The following ABCA10 variants were observed in gnomAD, a reference collection of about 807,000 sequenced individuals.
The protein encoded by ABCA10 is ATP binding cassette subfamily A member 10, also known as ATP-binding cassette sub-family A member 10.
A neutral mutation model predicts 187.5 loss-of-function variants in ABCA10; 169 were observed. The observed-to-expected ratio is 0.90, with a 90% confidence interval of 0.80 to 1.02. The LOEUF (loss-of-function observed/expected upper bound fraction) is 1.02, where lower values mean the gene tolerates loss of function less well. Ranked by LOEUF, ABCA10 falls within the 50% of genes least tolerant of loss-of-function variation. The pLI, the probability that ABCA10 is intolerant of heterozygous loss-of-function variation, is 0.00. For synonymous variants in ABCA10, 574 were observed against 601.8 expected, an observed-to-expected ratio of 0.95 and a Z score of 0.68; for missense variants, 1,727 against 1,812.4, an observed-to-expected ratio of 0.95 and a Z score of 0.86.
intron 9 of ABCA10, among the ~76,000 whole-genome samples, chr17:69,208,276 G>C (rs933617348): frequency 6.6e-6 from 1 of 151,886 alleles, no homozygotes; most frequent in Non-Finnish European, 1.5e-5. Context: ...AAATTAGCTG[G>C]GCGTGGTGGC....
Position 69,176,011 on chromosome 17 carries a change from G to A in ABCA10, c.2770-498C>T, listed in dbSNP as rs141194309. Among the ~76,000 whole-genome samples the A allele has an allele frequency of 5.1e-3, 774 of 152,130 alleles. 3 individuals carry two copies. Among genetic ancestry groups the A allele is most frequent in the African/African-American group, 0.018 (735 of 41,524 alleles). The stretch of plus-strand genomic sequence containing the variant: ...GAATTATTTATTTCTGGAATTTTCC[G>A]TTTAATATTTTAGAACTACAGTTGA... On this transcript the variant is annotated intron_variant, in intron 22 of 38. Coordinates refer to ENST00000690296, the MANE Select transcript of ABCA10 (RefSeq NM_001377321.1).
At chr17:69,197,701 G>C (rs140746222) in intron 10 of ABCA10, among the ~76,000 whole-genome samples, 4 of 151,978 alleles carry the variant, frequency 2.6e-5, no homozygotes, top group Non-Finnish European at 5.9e-5. Flanking sequence ...TCACTCTTTT[G>C]TTTTCTTAAG....
intron 3 of ABCA10, among the ~76,000 whole-genome samples, chr17:69,223,879 C>T (rs2074772211): frequency 6.6e-6 from 1 of 152,132 alleles, no homozygotes; most frequent in South Asian, 2.1e-4. Flanking sequence ...GTCCAGTGGT[C>T]CGTGAGACTA....
In ABCA10 at chr17:69,153,291, T is replaced by G; in HGVS notation, c.4136+14A>C. The G allele has an allele frequency of 6.3e-7, 1 of 1,589,200 alleles. No individual in the cohort carries two copies. The highest frequency in any genetic ancestry group is 8.5e-7 in the Non-Finnish European group (1 of 1,172,328). The stretch of plus-strand genomic sequence containing the variant: ...ATTCTCTTGACTCTGACACTTAATA[T>G]TCACTCTCCTTACCACATTTGCTGC... On this transcript the variant is annotated intron_variant, in intron 34 of 38. Coordinates refer to ENST00000690296, the MANE Select transcript of ABCA10 (RefSeq NM_001377321.1).
At chr17:69,168,794 T>G (rs1598093099) in intron 25 of ABCA10, among the ~76,000 whole-genome samples, 1 of 152,082 alleles carries the variant, frequency 6.6e-6, no homozygotes, top group African/African-American at 2.4e-5. Flanking sequence ...GATCTGATGG[T>G]TTTCAAAACA....
chr17:69,169,270 T>C (rs1422481252), intron 25 of ABCA10, among the ~76,000 whole-genome samples: 1 of 152,188 alleles, frequency 6.6e-6, no homozygotes, highest in Non-Finnish European at 1.5e-5. Flanking sequence ...AAATTCTTAA[T>C]CATTATACTT....
chr17:69,197,388 A>G (rs2074513792), intron 10 of ABCA10, among the ~76,000 whole-genome samples: 1 of 152,180 alleles, frequency 6.6e-6, no homozygotes, highest in African/African-American at 2.4e-5. Flanking sequence ...AAATTGAAAA[A>G]AAAAAGAAGG....
rs1459192342 is a variant in ABCA10 at position 69,187,793 on chromosome 17, G to A, written c.2218C>T (p.Pro740Ser). The A allele has an allele frequency of 3.7e-6, 6 of 1,613,700 alleles. No individual in the cohort carries two copies. Among genetic ancestry groups the A allele is most frequent in the East Asian group, 4.5e-5 (2 of 44,890 alleles). The change falls in exon 19 of 39, where the codon CCT (proline) becomes TCT (serine). Residue 740 changes from proline (P) to serine (S), a missense_variant. By Grantham distance (74) the Pro-to-Ser change is moderately conservative. Transcript: ENST00000690296. ...SEMEQVLCSL[P>S]ETRKAVSSAA... Reference sequence around the variant, plus strand: ...CTACTGACAGCCTTTCTTGTTTCAGGAAGAGAACAAAGAACCTGTTCCATT... The same window carrying A: ...CTACTGACAGCCTTTCTTGTTTCAGAAAGAGAACAAAGAACCTGTTCCATT...
At chr17:69,212,976 AT>A (rs2074671834) in intron 9 of ABCA10, among the ~76,000 whole-genome samples, 1 of 152,230 alleles carries the variant, frequency 6.6e-6, no homozygotes, top group African/African-American at 2.4e-5. Flanking sequence ...GTGAGGTACT[AT>A]GCTATTCATC....
At chr17:69,154,859 T>G (rs1040012908) in intron 30 of ABCA10, among the ~76,000 whole-genome samples, 160 bp downstream of exon 30, 3 of 152,226 alleles carry the variant, frequency 2.0e-5, no homozygotes, top group African/African-American at 7.2e-5. Context: ...GATTTTGAAG[T>G]AGAAAAGACT....
At chr17:69,172,872 T>C (rs1465106529) in intron 25 of ABCA10, among the ~76,000 whole-genome samples, 7 of 152,076 alleles carry the variant, frequency 4.6e-5, no homozygotes, top group Non-Finnish European at 7.4e-5. Context: ...CATTAAAGCA[T>C]AAGAACAATA....
chr17:69,204,419 T>A (rs2074574432), intron 9 of ABCA10, among the ~76,000 whole-genome samples: 1 of 152,186 alleles, frequency 6.6e-6, no homozygotes, highest in African/African-American at 2.4e-5. Flanking sequence ...TTTTCAAGAC[T>A]CTTTAAGATG....
upstream of ABCA10, among the ~76,000 whole-genome samples, chr17:69,231,805 A>T (rs1254050004): frequency 6.6e-6 from 1 of 150,494 alleles, no homozygotes; most frequent in Non-Finnish European, 1.5e-5. Context: ...ATGTGGTTTA[A>T]TTATAATGTT....
rs543642922 is a variant in ABCA10 at position 69,162,140 on chromosome 17, C to T, written c.3363+1934G>A. Among the ~76,000 whole-genome samples, 3 of 152,110 alleles carry T rather than the reference C, an allele frequency of 2.0e-5. No individual in the cohort carries two copies. In the East Asian group the frequency reaches 5.8e-4, roughly 29 times the overall value. ...TTAGTGCAGGACAAAACTGTTGTGC[C>T]CAGGTTAGCAGAAGACAAGAGCAGA... On this transcript the variant is annotated intron_variant, in intron 27 of 38. Coordinates refer to ENST00000690296, the MANE Select transcript of ABCA10 (RefSeq NM_001377321.1).
chr17:69,211,318 T>TATATATATATATATATATG (rs2074650362), intron 9 of ABCA10, among the ~76,000 whole-genome samples: 1 of 3,334 alleles, frequency 3.0e-4, no homozygotes, highest in East Asian at 2.2e-3. Flanking sequence ...ATATATGATA[T>TATATATATATATATATATG]ATATATATAT....
chr17:69,244,600 T>G (rs1406489842), exon 1 of ABCA10: 1 of 151,660 alleles, frequency 6.6e-6, no homozygotes, highest in Non-Finnish European at 1.5e-5. Context: ...ATAAGCTATT[T>G]CAGGAAAGAA....
chr17:69,223,276 A>ATATC (rs57968569), intron 3 of ABCA10, among the ~76,000 whole-genome samples: 37,675 of 152,024 alleles, frequency 0.25, 8,414 homozygotes, highest in African/African-American at 0.6. Context: ...TTATAAACTG[A>ATATC]TATCACATGA....
At chr17:69,155,271 C>T in intron 29 of ABCA10, 135 bp from the exon 30 acceptor site, 1 of 612,218 alleles carries the variant, frequency 1.6e-6, no homozygotes, top group Admixed American at 3.3e-5. Context: ...CCTCTTTTTT[C>T]AAATAAAATA....
intron 24 of ABCA10, 64 bp from the exon 25 acceptor site, chr17:69,174,458 G>A: frequency 7.5e-7 from 1 of 1,337,124 alleles, no homozygotes; most frequent in Non-Finnish European, 1.0e-6. Context: ...AAGAGGAGGG[G>A]AGATAATCAG....
Sources: gnomAD v4.1 joint callset for allele counts (sites outside exome capture counted in the v4.1 genomes callset) on GRCh38, gnomAD v4.1.1 for gene constraint, MANE v1.5 for transcripts, NCBI Gene and HGNC (gene_info 2026-07-23, HGNC 2026-07-21) for gene names.